CHRM3: variants seen among roughly 807,000 people sequenced by gnomAD.
CHRM3 encodes the protein muscarinic acetylcholine receptor M3.
Under a neutral mutation model 41.8 loss-of-function variants are expected in CHRM3, and 11 were observed. The observed-to-expected ratio is 0.26, with a 90% CI of 0.17 to 0.44. The LOEUF is 0.44. CHRM3 is among the 20% of genes least tolerant of loss of function. CHRM3 has a pLI of 1.00. For synonymous variants in CHRM3, 297 were observed against 301.4 expected (o/e 0.99, Z 0.15); for missense variants, 571 against 745.4 (o/e 0.77, Z 2.72).
At chr1:239,568,991 A>AT in intron 3 of CHRM3, among the ~76,000 whole-genome samples, 1 of 152,088 alleles carries the variant, frequency 6.6e-6, no homozygotes, top group South Asian at 2.1e-4. Flanking sequence ...GTTTGTTGTT[A>AT]TTTTTTTCCC....
intron 1 of CHRM3, among the ~76,000 whole-genome samples, chr1:239,443,328 G>T: frequency 6.6e-6 from 1 of 152,116 alleles, no homozygotes; most frequent in East Asian, 1.9e-4. Flanking sequence ...GTATTAAAAT[G>T]AGAATTTCCT....
intron 3 of CHRM3, among the ~76,000 whole-genome samples, chr1:239,631,065 G>T (rs1162721394): frequency 6.6e-6 from 1 of 152,084 alleles, no homozygotes. Context: ...GAGGAAGAAG[G>T]GATATCAGGG....
intron 3 of CHRM3, among the ~76,000 whole-genome samples, chr1:239,573,360 A>T (rs1277595553): frequency 6.6e-6 from 1 of 152,198 alleles, no homozygotes; most frequent in Non-Finnish European, 1.5e-5. Context: ...AGAAAAGTTT[A>T]TCGGTAGAAA....
intron 5 of CHRM3, among the ~76,000 whole-genome samples, chr1:239,773,823 T>C (rs1417509754): frequency 6.6e-6 from 1 of 152,138 alleles, no homozygotes; most frequent in Non-Finnish European, 1.5e-5. Context: ...GTTACCTCAA[T>C]GCATAGGGGT....
At chr1:239,772,224 C>T (rs1013273714) in intron 5 of CHRM3, among the ~76,000 whole-genome samples, 1 of 152,122 alleles carries the variant, frequency 6.6e-6, no homozygotes, top group Admixed American at 6.6e-5. Context: ...AATCTCAGCT[C>T]ATTGTAACCT....
At chr1:239,573,759 A>G (rs1662043618) in intron 3 of CHRM3, among the ~76,000 whole-genome samples, 1 of 152,068 alleles carries the variant, frequency 6.6e-6, no homozygotes, top group African/African-American at 2.4e-5. Context: ...AAAAGCAAGC[A>G]TTTTGTGTGT....
chr1:239,542,449 G>T (rs1228501735), intron 2 of CHRM3, among the ~76,000 whole-genome samples: 2 of 152,140 alleles, frequency 1.3e-5, no homozygotes, highest in Non-Finnish European at 2.9e-5. Context: ...TAATAATTTT[G>T]GTTGGAGATT....
intron 1 of CHRM3, among the ~76,000 whole-genome samples, chr1:239,442,482 T>G (rs948929692): frequency 4.6e-5 from 7 of 152,064 alleles, no homozygotes; most frequent in African/African-American, 1.4e-4. Flanking sequence ...GTTTAAAAAT[T>G]TTCAGGGTGA....
Position 239,825,252 on chromosome 1 carries a change from T to C in CHRM3, c.-146-2000T>C, listed in dbSNP as rs114834239. On this transcript the variant is annotated intron_variant, in intron 5 of 6. Coordinates refer to ENST00000676153, the MANE Select transcript of CHRM3 (RefSeq NM_001375978.1). ...TCTCCTCATCTATTCAGGCCAGTACTATCTATTCTAGCCTAAAGAACACCC... is the reference window on the plus strand; with the variant it reads ...TCTCCTCATCTATTCAGGCCAGTACCATCTATTCTAGCCTAAAGAACACCC... 1.6e-3 allele frequency among the ~76,000 whole-genome samples: 237 copies of C among 152,318 alleles called. 1 individual carries two copies. Among genetic ancestry groups the C allele is most frequent in the African/African-American group, 5.5e-3 (228 of 41,574 alleles).
At chr1:239,590,210 G>A (rs141937269) in intron 3 of CHRM3, among the ~76,000 whole-genome samples, 8 of 152,216 alleles carry the variant, frequency 5.3e-5, no homozygotes, top group Admixed American at 4.6e-4. Context: ...TGTGGAGTAA[G>A]TGCTGAATGT....
chr1:239,395,919 T>G (rs1659437646), intron 1 of CHRM3, among the ~76,000 whole-genome samples: 1 of 152,194 alleles, frequency 6.6e-6, no homozygotes, highest in Admixed American at 6.5e-5. Context: ...GAATAAAGAC[T>G]AAATGTCTCG....
At chr1:239,819,301 G>A (rs1671844856) in intron 5 of CHRM3, among the ~76,000 whole-genome samples, 1 of 152,184 alleles carries the variant, frequency 6.6e-6, no homozygotes, top group Non-Finnish European at 1.5e-5. Flanking sequence ...TCTCTGGACA[G>A]GCAGGTGGAA....
intron 3 of CHRM3, among the ~76,000 whole-genome samples, chr1:239,610,082 A>T (rs527256950): frequency 6.7e-6 from 1 of 148,224 alleles, no homozygotes; most frequent in East Asian, 2.1e-4. Context: ...AGTCCCAGCT[A>T]CTCAGGAGGC....
At chr1:239,831,958 T>C (rs1672927376) in intron 6 of CHRM3, among the ~76,000 whole-genome samples, 1 of 152,260 alleles carries the variant, frequency 6.6e-6, no homozygotes, top group South Asian at 2.1e-4. Context: ...TTATGTGATG[T>C]GCTTTATCTG....
intron 5 of CHRM3, among the ~76,000 whole-genome samples, chr1:239,811,982 C>T (rs146519310): frequency 9.9e-4 from 151 of 152,254 alleles, no homozygotes; most frequent in African/African-American, 2.9e-3. Context: ...TAATTCATAT[C>T]GATTTATGAG....
intron 2 of CHRM3, among the ~76,000 whole-genome samples, chr1:239,502,552 G>A (rs749357485): frequency 6.6e-6 from 1 of 152,162 alleles, no homozygotes; most frequent in Non-Finnish European, 1.5e-5. Context: ...CCACAAGGCA[G>A]AGAAAGAAGG....
At chr1:239,403,677 T>C (rs1312132900) in intron 1 of CHRM3, among the ~76,000 whole-genome samples, 1 of 152,010 alleles carries the variant, frequency 6.6e-6, no homozygotes. Flanking sequence ...ATGCCACAAG[T>C]AGCAAGCTCT....
chr1:239,755,923 A>G lies in CHRM3; in HGVS notation c.-146-71329A>G, dbSNP rs115620430. Among the ~76,000 whole-genome samples, 1,040 of 152,354 alleles carry G rather than the reference A, an allele frequency of 6.8e-3. 8 individuals are homozygous for G. The highest frequency in any genetic ancestry group is 0.024 in the African/African-American group (988 of 41,586). On this transcript the variant is annotated intron_variant, in intron 5 of 6. Coordinates refer to ENST00000676153, the MANE Select transcript of CHRM3 (RefSeq NM_001375978.1). ...CACAGCATCTTGCTACAGGGAATACAAAGAAAAAAATCACTTTTTTTAGAA... is the reference window on the plus strand; with the variant it reads ...CACAGCATCTTGCTACAGGGAATACGAAGAAAAAAATCACTTTTTTTAGAA...
intron 2 of CHRM3, among the ~76,000 whole-genome samples, chr1:239,509,326 C>T (rs1279303438): frequency 6.6e-6 from 1 of 152,002 alleles, no homozygotes; most frequent in Non-Finnish European, 1.5e-5. Context: ...TTCTTATAGT[C>T]TTACAATTAT....
Sources: allele counts gnomAD v4.1 joint callset (sites outside exome capture counted in the v4.1 genomes callset), GRCh38; gene constraint gnomAD v4.1.1; transcripts MANE v1.5; gene names NCBI Gene and HGNC (gene_info 2026-07-23, HGNC 2026-07-21).